Variants in TMEM156 observed in about 807,000 individuals in gnomAD.
The protein encoded by TMEM156 is transmembrane protein 156.
TMEM156 carries 28 observed loss-of-function variants against 30.5 expected under a neutral mutation model. The observed-to-expected ratio is 0.92, with a 90% CI of 0.68 to 1.26. The LOEUF is 1.26. TMEM156 is among the 50% of genes most tolerant of loss of function. The probability of loss-of-function intolerance (pLI) is 0.00; values close to 1 mark genes in which losing one functional copy is unlikely to be tolerated. For missense variants in TMEM156, 351 were observed against 340.6 expected (o/e 1.03, Z -0.24); for synonymous variants, 137 against 119.9 (o/e 1.14, Z -0.93).
rs1722402913 is a variant in TMEM156, at chr4:38,967,590, T to C, written c.*90A>G. 6.6e-6 allele frequency: 1 copy of C among 152,234 alleles called. No homozygotes were observed. Among genetic ancestry groups the C allele is most frequent in the African/African-American group, 2.4e-5 (1 of 41,470 alleles). The allele number at this position is 152,234 out of a possible 1,614,324, so 9.4% of individuals were successfully genotyped here. The stretch of plus-strand genomic sequence containing the variant: ...TTTTCCAGTCTACTCATTCACAAAA[T>C]AAACTTCTGAGTATTCTTCAAAGGG... On this transcript the variant is annotated 3_prime_UTR_variant, in exon 7 of 7. Transcript: ENST00000381938.
intron 1 of TMEM156, among the ~76,000 whole-genome samples, chr4:39,006,485 T>C (rs76753816): frequency 0.063 from 9,566 of 152,282 alleles, 397 homozygotes; most frequent in Middle Eastern, 0.11. Flanking sequence ...GCTCTTAATG[T>C]AGTGAATTTA....
intron 3 of TMEM156, among the ~76,000 whole-genome samples, chr4:38,990,388 T>C (rs549839046): frequency 7.9e-5 from 12 of 152,298 alleles, no homozygotes; most frequent in Non-Finnish European, 1.6e-4. Flanking sequence ...AGGCTTGCAT[T>C]CCTCACGCAG....
intron 1 of TMEM156, among the ~76,000 whole-genome samples, chr4:39,019,296 C>T (rs1200014302): frequency 6.6e-6 from 1 of 152,190 alleles, no homozygotes; most frequent in Non-Finnish European, 1.5e-5. Context: ...CTTTAGATCT[C>T]TATTCCAGTT....
At chr4:39,005,858 T>A (rs1713692513) in intron 1 of TMEM156, among the ~76,000 whole-genome samples, 1 of 152,190 alleles carries the variant, frequency 6.6e-6, no homozygotes, top group Admixed American at 6.5e-5. Context: ...TATACAAAAA[T>A]GGTTTGTATC....
intron 4 of TMEM156, among the ~76,000 whole-genome samples, chr4:38,988,395 TG>T (rs1316961435): frequency 3.3e-5 from 5 of 151,866 alleles, no homozygotes; most frequent in African/African-American, 1.2e-4. Flanking sequence ...GGCTAATTTT[TG>T]TATTTTTAGT....
chr4:38,977,156 C>T lies in TMEM156; in HGVS notation c.824-6019G>A, dbSNP rs566785083. ...CTGGCCTCAAGTGATCCGCCCACCT[C>T]GGCCTTCCAAAATGCTAGGATTACA... On this transcript the variant is annotated intron_variant, in intron 5 of 6. Coordinates refer to ENST00000381938, the MANE Select transcript of TMEM156 (RefSeq NM_024943.3). Among the ~76,000 whole-genome samples the T allele has an allele frequency of 2.4e-4, 36 of 152,300 alleles. No homozygotes were observed. The South Asian group carries it at 5.2e-3, about 22-fold the overall frequency.
intron 1 of TMEM156, among the ~76,000 whole-genome samples, chr4:39,019,614 C>T (rs983231496): frequency 6.6e-6 from 1 of 152,096 alleles, no homozygotes; most frequent in Non-Finnish European, 1.5e-5. Flanking sequence ...ATCACAGTAC[C>T]TTACATTTTG....
chr4:39,006,881 C>G (rs76517220), intron 1 of TMEM156, among the ~76,000 whole-genome samples: 1 of 151,906 alleles, frequency 6.6e-6, no homozygotes, highest in African/African-American at 2.4e-5. Context: ...AGGTTGAGGC[C>G]GTGGTGAGCC....
chr4:39,019,563 C>A (rs888859119), intron 1 of TMEM156, among the ~76,000 whole-genome samples: 1 of 152,108 alleles, frequency 6.6e-6, no homozygotes, highest in South Asian at 2.1e-4. Flanking sequence ...TCCCTATTAA[C>A]TTTGTGTGTA....
In TMEM156 at chr4:38,966,748, G is replaced by A. The variant is rs185875646; in HGVS notation, c.*932C>T. The A allele has an allele frequency of 1.0e-4, 15 of 150,414 alleles. No homozygotes were observed. In the East Asian group the frequency reaches 1.8e-3, roughly 18 times the overall value. 9.3% of individuals were successfully genotyped at this position (150,414 alleles called of 1,614,324 possible). The stretch of plus-strand genomic sequence containing the variant: ...CCAAAAGAATCAAAGGAAACGTTTT[G>A]CTATTAAAGTACTTAAGTATTTTAT... On this transcript the variant is annotated 3_prime_UTR_variant, in exon 7 of 7. Coordinates refer to ENST00000381938, the MANE Select transcript of TMEM156 (RefSeq NM_024943.3).
chr4:39,015,142 C>A (rs1206216866), intron 1 of TMEM156, among the ~76,000 whole-genome samples: 1 of 152,250 alleles, frequency 6.6e-6, no homozygotes, highest in South Asian at 2.1e-4. Context: ...GTAGTTATAT[C>A]CCTTTTTAAT....
intron 1 of TMEM156, among the ~76,000 whole-genome samples, chr4:39,006,084 T>C (rs549718528): frequency 6.6e-6 from 1 of 152,122 alleles, no homozygotes; most frequent in Non-Finnish European, 1.5e-5. Context: ...TTAATAGAGA[T>C]GAAGTTTCAC....
intron 1 of TMEM156, among the ~76,000 whole-genome samples, chr4:39,014,991 G>A (rs1241154501): frequency 6.6e-6 from 1 of 152,094 alleles, no homozygotes; most frequent in Non-Finnish European, 1.5e-5. Context: ...CATGGACTGA[G>A]TTTCTTTAAT....
rs1306913240 is a variant in TMEM156 at position 38,971,033 on chromosome 4, G to A, written c.*37C>T. ...CGATAAAGCCGAATCATCACTCACC[G>A]TGTATATTGATCTCACTGATGCACT... On this transcript the variant is annotated splice_region_variant and 3_prime_UTR_variant, in exon 6 of 7. Coordinates refer to ENST00000381938, the MANE Select transcript of TMEM156 (RefSeq NM_024943.3). 24 of 1,565,984 alleles carry A rather than the reference G, an allele frequency of 1.5e-5. No homozygotes were observed. Among genetic ancestry groups the A allele is most frequent in the African/African-American group, 2.7e-5 (2 of 73,812 alleles).
At chr4:39,020,541 T>C (rs1420943410) in intron 1 of TMEM156, among the ~76,000 whole-genome samples, 6 of 152,022 alleles carry the variant, frequency 3.9e-5, no homozygotes, top group Non-Finnish European at 8.8e-5. Context: ...TTATTAGTAG[T>C]TCTTATTTTG....
chr4:38,978,883 AG>A (rs1723033211), intron 5 of TMEM156, among the ~76,000 whole-genome samples: 1 of 152,138 alleles, frequency 6.6e-6, no homozygotes, highest in Admixed American at 6.5e-5. Flanking sequence ...CCCAGGCTCA[AG>A]GGATCCTCCC....
intron 1 of TMEM156, among the ~76,000 whole-genome samples, chr4:39,010,891 A>G (rs1468209035): frequency 5.3e-5 from 8 of 152,200 alleles, no homozygotes; most frequent in Non-Finnish European, 1.2e-4. Flanking sequence ...AGCAAACGCA[A>G]CACAAACAAA....
intron 1 of TMEM156, among the ~76,000 whole-genome samples, chr4:39,023,455 GT>G (rs1301493805): frequency 6.6e-6 from 1 of 152,194 alleles, no homozygotes; most frequent in Non-Finnish European, 1.5e-5. Flanking sequence ...GACAAATGTT[GT>G]GTATTTATAT....
chr4:39,009,794 C>T (rs774103523), intron 1 of TMEM156, among the ~76,000 whole-genome samples: 16 of 152,274 alleles, frequency 1.1e-4, no homozygotes, highest in Middle Eastern at 3.4e-3. Context: ...CAACATTGTA[C>T]TGACCAGGCA....
Sources: gnomAD v4.1 joint callset for allele counts (sites outside exome capture counted in the v4.1 genomes callset) on GRCh38, gnomAD v4.1.1 for gene constraint, MANE v1.5 for transcripts, NCBI Gene and HGNC (gene_info 2026-07-23, HGNC 2026-07-21) for gene names.